Variants in GABPB2 observed in about 807,000 individuals in gnomAD.
GABPB2 encodes the protein GA-binding protein subunit beta-2.
GABPB2 carries 23 observed loss-of-function variants against 39.1 expected under a neutral mutation model. The ratio of observed to expected loss-of-function variants is 0.59; its 90% CI spans 0.42 to 0.83. The LOEUF is 0.83. Among genes scored for constraint, GABPB2 ranks in the 40% least tolerant of loss-of-function variants. The pLI is 0.00. For missense variants in GABPB2, 467 were observed against 541.1 expected (o/e 0.86, Z 1.36); for synonymous variants, 184 against 199.3 (o/e 0.92, Z 0.65).
chr1:151,091,941 C>A (rs1031799170), intron 3 of GABPB2, among the ~76,000 whole-genome samples: 1 of 151,466 alleles, frequency 6.6e-6, no homozygotes, highest in Non-Finnish European at 1.5e-5. Context: ...CAGCACCATG[C>A]CCAGCTAATT....
rs779509660 is a variant in GABPB2, at chr1:151,107,218, G to A, written c.918G>A (p.Gln306=). ...TTATTGTAACTGTGCAAGATGGACA[G>A]CAAGGTGAGTTATCTCTTGTAGACA... is the stretch of plus-strand genomic sequence containing the variant. ...QPFIVTVQDG[Q]QVLTVPAGKV... The change falls in exon 7 of 9, where the codon CAG becomes CAA. Residue 306 remains glutamine (Q), a synonymous_variant. Coordinates refer to ENST00000368918, the MANE Select transcript of GABPB2 (RefSeq NM_144618.3). 20 of 1,570,520 alleles carry A rather than the reference G, an allele frequency of 1.3e-5. No homozygotes were observed. The Admixed American group carries it at 3.7e-4, about 29-fold the overall frequency.
At chr1:151,072,987 A>G (rs950327639) in intron 1 of GABPB2, 2 of 151,910 alleles carry the variant, frequency 1.3e-5, no homozygotes, top group African/African-American at 2.4e-5. Context: ...CCCATCCCCT[A>G]TTGACATATA....
chr1:151,100,529 C>T (rs2101527848), intron 5 of GABPB2, among the ~76,000 whole-genome samples: 1 of 147,946 alleles, frequency 6.8e-6, no homozygotes, highest in Non-Finnish European at 1.5e-5. Flanking sequence ...AATTCACCTG[C>T]CTTAGCCTCC....
chr1:151,071,342 A>G (rs777581046), intron 1 of GABPB2, among the ~76,000 whole-genome samples: 12 of 151,958 alleles, frequency 7.9e-5, no homozygotes, highest in Non-Finnish European at 1.0e-4. Flanking sequence ...TTTATGATAG[A>G]GAGGGAAACG....
At chr1:151,102,369 T>C (rs1034344334) in intron 5 of GABPB2, among the ~76,000 whole-genome samples, 3 of 152,166 alleles carry the variant, frequency 2.0e-5, no homozygotes, top group Non-Finnish European at 4.4e-5. Context: ...ATAACTAAAG[T>C]ATTTTTAACA....
Position 151,118,457 on chromosome 1 carries a change from C to T in GABPB2, c.*201C>T. The T allele has an allele frequency of 2.0e-6, 1 of 495,250 alleles. No individual in the cohort carries two copies. Among genetic ancestry groups the T allele is most frequent in the Non-Finnish European group, 3.5e-6 (1 of 282,516 alleles). The allele number at this position is 495,250 out of a possible 1,614,324, so 30.7% of individuals were successfully genotyped here. A position where few individuals can be genotyped will look rare whatever the true frequency, so the allele number is the denominator to read the frequency against. ...TTTAGGGAACATTTTTTCTGAGGGG[C>T]CAAAAGAATAAAGGACCAAATTTCT... On this transcript the variant is annotated 3_prime_UTR_variant, in exon 9 of 9. Coordinates refer to ENST00000368918, the MANE Select transcript of GABPB2 (RefSeq NM_144618.3).
At position 151,120,698 on chromosome 1, in the gene GABPB2, C is replaced by G. The variant is rs587739648; in HGVS notation, c.*2442C>G. 1.3e-5 allele frequency: 2 copies of G among 151,130 alleles called. No homozygotes were observed. Among genetic ancestry groups the G allele is most frequent in the East Asian group, 3.9e-4 (2 of 5,146 alleles). 9.4% of individuals were successfully genotyped at this position (151,130 alleles called of 1,614,324 possible). On this transcript the variant is annotated 3_prime_UTR_variant, in exon 9 of 9. Coordinates refer to ENST00000368918, the MANE Select transcript of GABPB2 (RefSeq NM_144618.3). ...ATAAAATTACAGTGAGGAGGGTAGT[C>G]TCTTGTCAGAAAAACTTGTTTCCAA...
intron 1 of GABPB2, among the ~76,000 whole-genome samples, chr1:151,072,842 C>T (rs1676844595): frequency 6.6e-6 from 1 of 152,104 alleles, no homozygotes. Flanking sequence ...AGCAAAACTC[C>T]ATCACAAACA....
intron 1 of GABPB2, among the ~76,000 whole-genome samples, chr1:151,083,370 G>T (rs1027039923): frequency 6.6e-6 from 1 of 152,156 alleles, no homozygotes; most frequent in South Asian, 2.1e-4. Context: ...GGTGGCTCAC[G>T]CCTGTAATCC....
rs1228497814 is a variant in GABPB2 at position 151,070,951 on chromosome 1, A to C, written c.-1+17A>C. ...GACGAGGAGGTGAGGAGGAAAGAAG[A>C]GATGTGTGGACTCCGGGGGGCGTCA... On this transcript the variant is annotated intron_variant, in intron 1 of 8. Transcript: ENST00000368918. The C allele has an allele frequency of 1.3e-5, 2 of 152,152 alleles. No individual in the cohort carries two copies. The highest frequency in any genetic ancestry group is 2.9e-5 in the Non-Finnish European group (2 of 68,070). 9.4% of individuals were successfully genotyped at this position (152,152 alleles called of 1,614,324 possible). A position where few individuals can be genotyped will look rare whatever the true frequency, so the allele number is the denominator to read the frequency against.
At chr1:151,109,810 C>T (rs1055829383) in intron 7 of GABPB2, among the ~76,000 whole-genome samples, 13 of 151,400 alleles carry the variant, frequency 8.6e-5, no homozygotes, top group African/African-American at 3.2e-4. Flanking sequence ...GCTGGGACTA[C>T]AGGCATGCAC....
Position 151,118,369 on chromosome 1 carries a change from T to C in GABPB2, c.*113T>C. ...AAGAGTGTCTTTAAGAAGAAAACTATAGCAGGGTACAATGCTTGGGCTCAG... is the reference window on the plus strand; with the variant it reads ...AAGAGTGTCTTTAAGAAGAAAACTACAGCAGGGTACAATGCTTGGGCTCAG... On this transcript the variant is annotated 3_prime_UTR_variant, in exon 9 of 9. Transcript: ENST00000368918. 9.7e-7 allele frequency: 1 copy of C among 1,029,228 alleles called. No homozygotes were observed. The allele number at this position is 1,029,228 out of a possible 1,614,324, so 63.8% of individuals were successfully genotyped here. A position where few individuals can be genotyped will look rare whatever the true frequency, so the allele number is the denominator to read the frequency against.
intron 4 of GABPB2, among the ~76,000 whole-genome samples, chr1:151,094,497 CTGCCATCA>C (rs1265898489): frequency 8.6e-5 from 13 of 150,310 alleles, no homozygotes; most frequent in Non-Finnish European, 1.0e-4. Context: ...TTACAGGCAC[CTGCCATCA>C]TGCCCAGCTA....
intron 5 of GABPB2, among the ~76,000 whole-genome samples, chr1:151,099,109 A>G (rs903634578): frequency 2.2e-4 from 34 of 151,700 alleles, no homozygotes; most frequent in African/African-American, 8.2e-4. Context: ...AAAGAAAGAA[A>G]GAAACCTGCA....
chr1:151,088,603 G>C, intron 2 of GABPB2: 1 of 376,956 alleles, frequency 2.7e-6, no homozygotes, highest in Non-Finnish European at 4.7e-6. Context: ...TGGGTTATAG[G>C]CTTCTGTAAT....
intron 1 of GABPB2, among the ~76,000 whole-genome samples, chr1:151,080,943 G>A (rs1677632528): frequency 7.0e-6 from 1 of 143,672 alleles, no homozygotes; most frequent in African/African-American, 2.5e-5. Flanking sequence ...CTCAATCTCG[G>A]CTCACTGCAA....
intron 8 of GABPB2, 48 bp downstream of exon 8, chr1:151,117,564 A>C (rs745319592): frequency 6.3e-7 from 1 of 1,579,886 alleles, no homozygotes; most frequent in South Asian, 1.1e-5. Flanking sequence ...TTAATTATTA[A>C]GGCCTGAACC....
intron 6 of GABPB2, 114 bp downstream of exon 6, chr1:151,103,789 G>T (rs927982996): frequency 5.5e-5 from 39 of 712,050 alleles, no homozygotes; most frequent in Non-Finnish European, 1.4e-5. Context: ...ATTAGAGGCA[G>T]CTAAGGAAAA....
At chr1:151,104,309 C>G (rs587769568) in intron 6 of GABPB2, among the ~76,000 whole-genome samples, 1 of 152,222 alleles carries the variant, frequency 6.6e-6, no homozygotes, top group Middle Eastern at 3.2e-3. Flanking sequence ...GCTCAGTAGA[C>G]ATTTAGAAAT....
Sources: gnomAD v4.1 joint callset for allele counts (sites outside exome capture counted in the v4.1 genomes callset) on GRCh38, gnomAD v4.1.1 for gene constraint, MANE v1.5 for transcripts, NCBI Gene and HGNC (gene_info 2026-07-23, HGNC 2026-07-21) for gene names.